Variants in ALMS1 observed in about 807,000 individuals in gnomAD.
ALMS1 encodes centrosome-associated protein ALMS1.
ALMS1 carries 271 observed loss-of-function variants against 352.2 expected under a neutral mutation model. That is an observed-to-expected ratio of 0.77 (90% confidence interval 0.70 to 0.85). The LOEUF is 0.85. ALMS1 is among the 40% of genes least tolerant of loss of function. The pLI is 0.00. For missense variants in ALMS1, 5,445 were observed against 4,870.7 expected (o/e 1.12, Z -3.51); for synonymous variants, 1,865 against 1,761.2 (o/e 1.06, Z -1.48).
chr2:73,452,020 A>T lies in ALMS1; in HGVS notation c.5493A>T (p.Leu1831Phe). The T allele has an allele frequency of 6.2e-7, 1 of 1,613,786 alleles. No homozygotes were observed. The highest frequency in any genetic ancestry group is 1.3e-5 in the African/African-American group (1 of 74,982). The change falls in exon 8 of 23, where the codon TTA becomes TTT. Residue 1831 changes from leucine to phenylalanine, a missense_variant. By Grantham distance (22) the Leu-to-Phe change is conservative (BLOSUM62 0). Transcript: ENST00000613296. ...PHFTEAGLKILRVPGPADQKT... is the reference protein window; with the variant it reads ...PHFTEAGLKIFRVPGPADQKT... ...TTACTGAAGCAGGTTTGAAAATTTT[A>T]AGAGTTCCTGGACCAGCTGACCAGA...
At chr2:73,534,793 A>G (rs753928927) in intron 11 of ALMS1, 31 bp from the exon 12 acceptor site, 3 of 1,608,040 alleles carry the variant, frequency 1.9e-6, no homozygotes, top group East Asian at 4.5e-5. Flanking sequence ...AATGTTTTTC[A>G]TATTAATTGT....
intron 10 of ALMS1, among the ~76,000 whole-genome samples, chr2:73,503,366 G>T (rs1043933802): frequency 6.6e-5 from 10 of 151,664 alleles, no homozygotes; most frequent in African/African-American, 2.4e-4. Context: ...TTTTGTTCTT[G>T]CTATAGTTTA....
intron 1 of ALMS1, among the ~76,000 whole-genome samples, chr2:73,407,133 A>T (rs1670988140): frequency 6.6e-6 from 1 of 151,994 alleles, no homozygotes; most frequent in Non-Finnish European, 1.5e-5. Flanking sequence ...GCTGATGGGG[A>T]CTCTGCAGAA....
intron 9 of ALMS1, chr2:73,459,558 A>G (rs907523027): frequency 2.6e-5 from 4 of 152,140 alleles, no homozygotes; most frequent in African/African-American, 7.2e-5. Context: ...ATTTATTTAT[A>G]TCATTATGGA....
chr2:73,575,132 G>A (rs1453469597), intron 16 of ALMS1, among the ~76,000 whole-genome samples: 6 of 151,998 alleles, frequency 3.9e-5, no homozygotes, highest in East Asian at 3.8e-4. Context: ...GTATTATTCC[G>A]TTGCATGTAT....
intron 7 of ALMS1, among the ~76,000 whole-genome samples, chr2:73,438,125 TA>T (rs1193257580): frequency 6.6e-6 from 1 of 152,206 alleles, no homozygotes. Flanking sequence ...GTGTTGTATT[TA>T]GCCAATCCAG....
intron 2 of ALMS1, among the ~76,000 whole-genome samples, chr2:73,416,948 A>G (rs1161852794): frequency 2.0e-5 from 3 of 152,110 alleles, no homozygotes; most frequent in African/African-American, 7.2e-5. Context: ...AAATTTTTAA[A>G]AAATTAACTG....
intron 1 of ALMS1, among the ~76,000 whole-genome samples, chr2:73,396,338 A>G (rs1031911095): frequency 6.6e-6 from 1 of 150,742 alleles, no homozygotes; most frequent in East Asian, 1.9e-4. Context: ...ACACACACAC[A>G]CGCTTGTATT....
In ALMS1 at chr2:73,451,015, T is replaced by C. The variant is rs1334466449; in HGVS notation, c.4488T>C (p.Pro1496=). ...YKQAFPEGHL[P]EESLKVSVAP... ...AGGCCTTTCCAGAGGGTCATCTACC[T>C]GAAGAGTCTCTGAAAGTTTCAGTTG... The change falls in exon 8 of 23, where the codon CCT becomes CCC. Residue 1496 remains proline (P), a synonymous_variant. Transcript: ENST00000613296. The C allele has an allele frequency of 6.2e-7, 1 of 1,613,888 alleles. No individual in the cohort carries two copies. The highest frequency in any genetic ancestry group is 1.7e-5 in the Admixed American group (1 of 59,966).
At chr2:73,530,362 T>G (rs1351920016) in intron 11 of ALMS1, among the ~76,000 whole-genome samples, 1 of 152,232 alleles carries the variant, frequency 6.6e-6, no homozygotes. Context: ...AAAACCTGGC[T>G]GGGCAGTCAT....
At chr2:73,472,680 A>G (rs1190979073) in intron 9 of ALMS1, among the ~76,000 whole-genome samples, 2 of 152,080 alleles carry the variant, frequency 1.3e-5, no homozygotes, top group Non-Finnish European at 1.5e-5. Flanking sequence ...TTGCTCACCT[A>G]CCATTCCTTG....
intron 15 of ALMS1, among the ~76,000 whole-genome samples, chr2:73,568,543 C>G (rs1214928495): frequency 6.6e-6 from 1 of 152,122 alleles, no homozygotes; most frequent in East Asian, 1.9e-4. Flanking sequence ...TGTAGATGCA[C>G]AAAATCTTGC....
chr2:73,437,846 T>G (rs1280574620), intron 7 of ALMS1, among the ~76,000 whole-genome samples: 1 of 152,210 alleles, frequency 6.6e-6, no homozygotes, highest in Admixed American at 6.5e-5. Context: ...AGTTCTTCTA[T>G]CAACGAGACC....
chr2:73,513,797 G>A (rs992366826), intron 10 of ALMS1, among the ~76,000 whole-genome samples: 3 of 152,020 alleles, frequency 2.0e-5, no homozygotes, highest in African/African-American at 7.2e-5. Flanking sequence ...TAAGCCACAC[G>A]TCTGCAGAGA....
chr2:73,452,221 T>A lies in ALMS1; in HGVS notation c.5694T>A (p.Asn1898Lys), dbSNP rs1317035563. The A allele has an allele frequency of 5.0e-6, 8 of 1,613,880 alleles. No individual in the cohort carries two copies. In the African/African-American group the frequency reaches 6.7e-5, roughly 13 times the overall value. Residue 1898 changes from asparagine (N) to lysine (K), a missense_variant, in exon 8 of 23, where the codon AAT (asparagine) becomes AAA (lysine). Physicochemically the swap from Asn to Lys is moderately conservative, Grantham distance 94. Coordinates refer to ENST00000613296, the MANE Select transcript of ALMS1 (RefSeq NM_001378454.1). The part of the protein sequence containing the change: ...IQIASSSSYS[N>K]REKASIFHQQ... ...TAGCATCCTCTAGTTCCTACTCAAATAGAGAGAAGGCCAGTATTTTTCATC... is the reference window on the plus strand; with the variant it reads ...TAGCATCCTCTAGTTCCTACTCAAAAAGAGAGAAGGCCAGTATTTTTCATC...
chr2:73,535,729 A>G (rs1320705671), intron 12 of ALMS1, among the ~76,000 whole-genome samples: 2 of 152,306 alleles, frequency 1.3e-5, no homozygotes, highest in East Asian at 3.9e-4. Flanking sequence ...AATATTTCCT[A>G]TGGAGATTTT....
chr2:73,537,551 T>C (rs1674056742), intron 12 of ALMS1, among the ~76,000 whole-genome samples: 1 of 152,222 alleles, frequency 6.6e-6, no homozygotes, highest in Non-Finnish European at 1.5e-5. Flanking sequence ...AGGCATTAGC[T>C]GACCATTAAG....
chr2:73,586,582 C>T (rs1323972485), intron 16 of ALMS1, among the ~76,000 whole-genome samples: 4 of 152,062 alleles, frequency 2.6e-5, no homozygotes, highest in African/African-American at 9.7e-5. Context: ...TTTCTGGGTT[C>T]TGTGTTCTGT....
Position 73,448,694 on chromosome 2 carries a change from G to C in ALMS1, c.2167G>C (p.Gly723Arg). The change falls in exon 8 of 23, where the codon GGT becomes CGT. Residue 723 changes from glycine (G) to arginine (R), a missense_variant. By Grantham distance (125) the Gly-to-Arg change is moderately radical. Coordinates refer to ENST00000613296, the MANE Select transcript of ALMS1 (RefSeq NM_001378454.1). ...TCCCCACTCACATAGAGAGAAGCCTGGTATTTTTTACCAACAAGAGTTCGC... is the reference window on the plus strand; with the variant it reads ...TCCCCACTCACATAGAGAGAAGCCTCGTATTTTTTACCAACAAGAGTTCGC... ...STPHSHREKP[G>R]IFYQQEFADS... 1.2e-6 allele frequency: 2 copies of C among 1,604,248 alleles called. No individual in the cohort carries two copies. Among genetic ancestry groups the C allele is most frequent in the Non-Finnish European group, 1.7e-6 (2 of 1,173,650 alleles).
Sources: gnomAD v4.1 joint callset for allele counts (sites outside exome capture counted in the v4.1 genomes callset) on GRCh38, gnomAD v4.1.1 for gene constraint, MANE v1.5 for transcripts, NCBI Gene and HGNC (gene_info 2026-07-23, HGNC 2026-07-21) for gene names.